The following RBFOX1 variants were observed in gnomAD, a reference collection of about 807,000 sequenced individuals.
The protein encoded by RBFOX1 is RNA binding fox-1 homolog 1.
RBFOX1 carries 8 observed loss-of-function variants against 57.7 expected under a neutral mutation model. The observed-to-expected ratio is 0.14, with a 90% CI of 0.08 to 0.25. The LOEUF (loss-of-function observed/expected upper bound fraction) is 0.25, where lower values mean the gene tolerates loss of function less well. RBFOX1 is among the 10% of genes least tolerant of loss of function. The pLI is 1.00. For synonymous variants in RBFOX1, 326 were observed against 222.4 expected (o/e 1.47, Z -4.15); for missense variants, 611 against 548.5 (o/e 1.11, Z -1.14).
intron 4 of RBFOX1, among the ~76,000 whole-genome samples, chr16:7,302,655 C>T (rs1193996006): frequency 6.6e-6 from 1 of 151,100 alleles, no homozygotes; most frequent in Admixed American, 6.6e-5. Context: ...AAAAGAAAAT[C>T]CAATCACTGG....
chr16:5,916,586 C>T (rs2058708534), intron 4 of RBFOX1, among the ~76,000 whole-genome samples: 1 of 152,098 alleles, frequency 6.6e-6, no homozygotes, highest in African/African-American at 2.4e-5. Context: ...GGGTCCTCCA[C>T]TGCTTCCCAG....
intron 1 of RBFOX1, among the ~76,000 whole-genome samples, chr16:6,100,897 A>T (rs2096298472): frequency 6.6e-6 from 1 of 152,172 alleles, no homozygotes; most frequent in African/African-American, 2.4e-5. Context: ...AGAGTCTGAG[A>T]TGAAGAGTTT....
chr16:7,136,891 G>T (rs929114301), intron 4 of RBFOX1, among the ~76,000 whole-genome samples: 2 of 152,304 alleles, frequency 1.3e-5, no homozygotes, highest in Admixed American at 1.3e-4. Context: ...CTGCATGCCT[G>T]GGCAGGAAGG....
chr16:5,592,442 A>G (rs548060912), intron 2 of RBFOX1, among the ~76,000 whole-genome samples: 14 of 145,874 alleles, frequency 9.6e-5, no homozygotes, highest in Non-Finnish European at 2.1e-4. Flanking sequence ...TCTGAGATGG[A>G]GTCTTGCTTC....
intron 4 of RBFOX1, among the ~76,000 whole-genome samples, chr16:7,365,259 G>A (rs986441934): frequency 6.6e-6 from 1 of 152,120 alleles, no homozygotes; most frequent in Non-Finnish European, 1.5e-5. Context: ...ACACTCAATG[G>A]GGTAATAAAT....
intron 3 of RBFOX1, among the ~76,000 whole-genome samples, chr16:6,980,457 C>G (rs529386703): frequency 6.6e-6 from 1 of 152,112 alleles, no homozygotes; most frequent in Non-Finnish European, 1.5e-5. Context: ...AAAAACTTGT[C>G]TTCTTATGTT....
chr16:5,406,825 C>T (rs576005096), intron 1 of RBFOX1, among the ~76,000 whole-genome samples: 152 of 152,220 alleles, frequency 1.0e-3, no homozygotes, highest in Non-Finnish European at 1.8e-3. Context: ...AGACAGACGG[C>T]AGGCACATAG....
chr16:7,226,289 C>G (rs936431543), intron 4 of RBFOX1, among the ~76,000 whole-genome samples: 1 of 152,214 alleles, frequency 6.6e-6, no homozygotes, highest in Non-Finnish European at 1.5e-5. Flanking sequence ...TCATGAACTA[C>G]AAGCTACGGA....
chr16:6,507,507 C>CAAAAA (rs57685233), intron 2 of RBFOX1, among the ~76,000 whole-genome samples: 27,865 of 96,778 alleles, frequency 0.29, 5,563 homozygotes, highest in Non-Finnish European at 0.36. Flanking sequence ...CCTATCTGTA[C>CAAAAA]AAAAAAAAAA....
intron 1 of RBFOX1, among the ~76,000 whole-genome samples, chr16:6,268,248 C>T (rs896361686): frequency 1.3e-5 from 2 of 152,172 alleles, no homozygotes; most frequent in South Asian, 4.1e-4. Flanking sequence ...CCTAGATTTA[C>T]ATCTCTTTAT....
intron 2 of RBFOX1, among the ~76,000 whole-genome samples, chr16:6,500,896 T>TTTTTGTTTGTTTGTTTGTTTG (rs1555507188): frequency 4.3e-4 from 61 of 142,368 alleles, no homozygotes; most frequent in East Asian, 6.3e-4. Context: ...TTTTTTTTTT[T>TTTTTGTTTGTTTGTTTGTTTG]TTTTTAATGC....
At chr16:6,427,057 T>C (rs904527167) in intron 2 of RBFOX1, among the ~76,000 whole-genome samples, 1 of 152,208 alleles carries the variant, frequency 6.6e-6, no homozygotes, top group African/African-American at 2.4e-5. Context: ...TTAGCCCTGC[T>C]GATATTATGA....
chr16:6,484,848 G>T (rs1448685976), intron 2 of RBFOX1, among the ~76,000 whole-genome samples: 2 of 152,178 alleles, frequency 1.3e-5, no homozygotes, highest in Non-Finnish European at 2.9e-5. Flanking sequence ...TTTACTCATT[G>T]TTGACATGGT....
chr16:7,556,682 C>G (rs2088604986), intron 5 of RBFOX1, among the ~76,000 whole-genome samples: 1 of 152,164 alleles, frequency 6.6e-6, no homozygotes, highest in Non-Finnish European at 1.5e-5. Context: ...ACTCTCCTAT[C>G]TGCTAGCTAT....
At chr16:5,397,454 G>C (rs1381059981) in intron 1 of RBFOX1, among the ~76,000 whole-genome samples, 1 of 152,208 alleles carries the variant, frequency 6.6e-6, no homozygotes, top group Non-Finnish European at 1.5e-5. Flanking sequence ...CTGCATGTGA[G>C]GTCTGTGGTA....
At chr16:7,672,632 G>A (rs2071844113) in intron 13 of RBFOX1, among the ~76,000 whole-genome samples, 1 of 151,894 alleles carries the variant, frequency 6.6e-6, no homozygotes, top group Admixed American at 6.6e-5. Flanking sequence ...GGAGACCTAA[G>A]GCAGGCAGAT....
intron 4 of RBFOX1, among the ~76,000 whole-genome samples, chr16:5,895,722 C>T (rs1461171789): frequency 3.3e-5 from 5 of 152,168 alleles, no homozygotes; most frequent in Non-Finnish European, 5.9e-5. Context: ...AGGGGCATCT[C>T]GCAGGGGTTT....
intron 3 of RBFOX1, among the ~76,000 whole-genome samples, chr16:5,752,320 C>T (rs78719975): frequency 1.3e-5 from 2 of 152,122 alleles, no homozygotes; most frequent in African/African-American, 4.8e-5. Flanking sequence ...GGAAAAACAA[C>T]TAATAGATAC....
intron 3 of RBFOX1, among the ~76,000 whole-genome samples, chr16:6,899,469 G>A (rs575640129): frequency 6.6e-6 from 1 of 152,294 alleles, no homozygotes; most frequent in South Asian, 2.1e-4. Context: ...TGGTTGGTCT[G>A]TCAAGAGCAC....
Sources: allele counts gnomAD v4.1 joint callset (sites outside exome capture counted in the v4.1 genomes callset), GRCh38; gene constraint gnomAD v4.1.1; transcripts MANE v1.5; gene names NCBI Gene and HGNC (gene_info 2026-07-23, HGNC 2026-07-21).